Variants in ZDHHC2 observed in about 807,000 individuals in gnomAD.
The protein encoded by ZDHHC2 is zDHHC palmitoyltransferase 2.
In ZDHHC2, 51 loss-of-function variants were observed where a neutral mutation model predicts 55.6. The observed-to-expected ratio is 0.92, with a 90% confidence interval of 0.73 to 1.16. ZDHHC2 has a LOEUF of 1.16. ZDHHC2 is among the 50% of genes most tolerant of loss of function. The probability of loss-of-function intolerance (pLI) is 0.00; values close to 1 mark genes in which losing one functional copy is unlikely to be tolerated. For synonymous variants in ZDHHC2, 199 were observed against 152.9 expected, an observed-to-expected ratio of 1.30 and a Z score of -2.22; for missense variants, 491 against 442.4, an observed-to-expected ratio of 1.11 and a Z score of -0.99.
chr8:17,162,344 A>T (rs1804389898), intron 1 of ZDHHC2, among the ~76,000 whole-genome samples: 1 of 152,208 alleles, frequency 6.6e-6, no homozygotes, highest in Admixed American at 6.5e-5. Context: ...GTGAGAGGAC[A>T]GGATCTGGGG....
At chr8:17,210,622 A>G (rs1807332833) in intron 10 of ZDHHC2, 142 bp downstream of exon 10, 1 of 661,648 alleles carries the variant, frequency 1.5e-6, no homozygotes, top group Non-Finnish European at 2.5e-6. Context: ...GAGGGAAAAA[A>G]GAAAGTATGA....
At chr8:17,199,677 CTTCTTCTT>C (rs1806634087) in intron 6 of ZDHHC2, among the ~76,000 whole-genome samples, 1 of 133,876 alleles carries the variant, frequency 7.5e-6, no homozygotes, top group South Asian at 2.4e-4. Context: ...CCTCCTTCTT[CTTCTTCTT>C]TTCTTCTTTC....
intron 1 of ZDHHC2, among the ~76,000 whole-genome samples, chr8:17,164,445 C>T (rs879720642): frequency 1.3e-4 from 20 of 152,182 alleles, no homozygotes; most frequent in Middle Eastern, 3.4e-3. Context: ...AGTATTTCTT[C>T]CTGGTATCCT....
At chr8:17,190,951 C>CTTTTTTTTTTTT (rs10601402) in intron 3 of ZDHHC2, among the ~76,000 whole-genome samples, 18 of 52,778 alleles carry the variant, frequency 3.4e-4, no homozygotes, top group Non-Finnish European at 5.8e-4. Flanking sequence ...CTTATTCATT[C>CTTTTTTTTTTTT]TTTTTTTTTT....
intron 10 of ZDHHC2, 106 bp from the exon 11 acceptor site, chr8:17,215,131 C>T: frequency 1.1e-6 from 1 of 889,946 alleles, no homozygotes; most frequent in Non-Finnish European, 1.7e-6. Context: ...CCTCCTGCAT[C>T]ATCTTGCATT....
chr8:17,203,797 CTTCT>C (rs1385611244), intron 6 of ZDHHC2, among the ~76,000 whole-genome samples: 1 of 136,250 alleles, frequency 7.3e-6, no homozygotes, highest in East Asian at 2.1e-4. Context: ...CAATTTGTGG[CTTCT>C]TTTTTTTCTT....
intron 1 of ZDHHC2, among the ~76,000 whole-genome samples, chr8:17,165,585 T>C (rs1465180714): frequency 6.6e-6 from 1 of 152,232 alleles, no homozygotes; most frequent in Non-Finnish European, 1.5e-5. Flanking sequence ...CCGTCCATAA[T>C]TCATTGGACA....
Position 17,184,833 on chromosome 8 carries a change from A to G in ZDHHC2, c.157+18A>G, listed in dbSNP as rs761268627. 2.0e-6 allele frequency: 3 copies of G among 1,532,614 alleles called. No homozygotes were observed. The highest frequency in any genetic ancestry group is 4.9e-5 in the East Asian group (2 of 40,722). The allele number at this position is 1,532,614 out of a possible 1,614,324, so 94.9% of individuals were successfully genotyped here. A position where few individuals can be genotyped will look rare whatever the true frequency, so the allele number is the denominator to read the frequency against. ...CGAACAAGGTAAGCTAGATTATATT[A>G]ATGTTATAGATTTTTTAAATAGTTT... On this transcript the variant is annotated intron_variant, in intron 2 of 12. Transcript: ENST00000262096.
At chr8:17,188,891 A>G (rs552796744) in intron 3 of ZDHHC2, among the ~76,000 whole-genome samples, 1 of 152,276 alleles carries the variant, frequency 6.6e-6, no homozygotes, top group South Asian at 2.1e-4. Context: ...TCTTCTGTTC[A>G]GGCCAGAAAC....
chr8:17,156,998 A>C, intron 1 of ZDHHC2, 145 bp downstream of exon 1: 3 of 743,412 alleles, frequency 4.0e-6, no homozygotes, highest in East Asian at 7.2e-5. Flanking sequence ...TCCGCCGCTA[A>C]AAGCAGCCTC....
chr8:17,204,713 G>A (rs1167025536), intron 6 of ZDHHC2, among the ~76,000 whole-genome samples: 7 of 152,072 alleles, frequency 4.6e-5, no homozygotes, highest in African/African-American at 1.7e-4. Context: ...ATGGATACTA[G>A]GCTTAATACC....
chr8:17,193,894 T>C (rs760895392), intron 3 of ZDHHC2, among the ~76,000 whole-genome samples: 6 of 152,264 alleles, frequency 3.9e-5, no homozygotes, highest in Non-Finnish European at 8.8e-5. Flanking sequence ...ACATTAGGTA[T>C]TTATCCTAGT....
intron 7 of ZDHHC2, 40 bp from the exon 8 acceptor site, chr8:17,207,920 C>G (rs1807187421): frequency 7.1e-7 from 1 of 1,406,488 alleles, no homozygotes; most frequent in Admixed American, 2.4e-5. Flanking sequence ...GAATACATAT[C>G]CCTTTGACAA....
chr8:17,215,112 T>C (rs905692665), intron 10 of ZDHHC2, 125 bp from the exon 11 acceptor site: 1 of 728,336 alleles, frequency 1.4e-6, no homozygotes, highest in African/African-American at 1.8e-5. Context: ...CCCCACGTTA[T>C]TTTGGGTACC....
intron 10 of ZDHHC2, 149 bp downstream of exon 10, chr8:17,210,629 A>G: frequency 1.6e-6 from 1 of 635,906 alleles, no homozygotes; most frequent in Non-Finnish European, 2.6e-6. Context: ...AAAAGAAAGT[A>G]TGATTGAGGA....
At chr8:17,196,035 A>G (rs928639997) in intron 4 of ZDHHC2, among the ~76,000 whole-genome samples, 4 of 152,210 alleles carry the variant, frequency 2.6e-5, no homozygotes, top group African/African-American at 9.6e-5. Context: ...TAAACTTAGA[A>G]CAGTCATATA....
rs1412274231 is a variant in ZDHHC2 at position 17,184,765 on chromosome 8, T to G, written c.131-24T>G. 5 of 1,547,872 alleles carry G rather than the reference T, an allele frequency of 3.2e-6. No individual in the cohort carries two copies. The African/African-American group carries it at 5.5e-5, about 17-fold the overall frequency. ...CGTTTGCCATAAGCTTCATGTAACC[T>G]ATTACCTTTTTTTCTCTTTACAGTG... On this transcript the variant is annotated intron_variant, in intron 1 of 12. Coordinates refer to ENST00000262096, the MANE Select transcript of ZDHHC2 (RefSeq NM_016353.5).
At position 17,209,938 on chromosome 8, in the gene ZDHHC2, T is replaced by G; in HGVS notation, c.737T>G (p.Phe246Cys). 6.2e-7 allele frequency: 1 copy of G among 1,608,096 alleles called. No homozygotes were observed. Among genetic ancestry groups the G allele is most frequent in the Non-Finnish European group, 8.5e-7 (1 of 1,177,592 alleles). Residue 246 changes from phenylalanine (F) to cysteine (C), a missense_variant, in exon 9 of 13, where the codon TTC (phenylalanine) becomes TGC (cysteine). By Grantham distance (205) the Phe-to-Cys change is radical (BLOSUM62 -2). Coordinates refer to ENST00000262096, the MANE Select transcript of ZDHHC2 (RefSeq NM_016353.5). ...CTTTACCATCTTTTTTTAGAGGCAT[T>G]CAGAAGTCCAGTATTTCGACATGGA... ...VSKNKSTLEA[F>C]RSPVFRHGTD...
At chr8:17,199,559 G>GTCTTCGTCTTCTTCGTCTTCGTCTTCT (rs1563161366) in intron 6 of ZDHHC2, among the ~76,000 whole-genome samples, 1 of 54,068 alleles carries the variant, frequency 1.8e-5, no homozygotes, top group South Asian at 6.7e-4. Flanking sequence ...CTTCGTCTTC[G>GTCTTCGTCTTCTTCGTCTTCGTCTTCT]TCTTCTTCGT....
Sources: gnomAD v4.1 joint callset for allele counts (sites outside exome capture counted in the v4.1 genomes callset) on GRCh38, gnomAD v4.1.1 for gene constraint, MANE v1.5 for transcripts, NCBI Gene and HGNC (gene_info 2026-07-23, HGNC 2026-07-21) for gene names.